The following RIPOR3 variants were observed in gnomAD, a reference collection of about 807,000 sequenced individuals.
RIPOR3 encodes RIPOR family member 3.
In RIPOR3, 95 loss-of-function variants were observed where a neutral mutation model predicts 114.3. The ratio of observed to expected loss-of-function variants is 0.83; its 90% CI spans 0.70 to 0.99. The LOEUF is 0.99. RIPOR3 is among the 50% of genes least tolerant of loss of function. The pLI is 0.00. For missense variants in RIPOR3, 1,252 were observed against 1,266.9 expected, an observed-to-expected ratio of 0.99 and a Z score of 0.18; for synonymous variants, 575 against 543.8, an observed-to-expected ratio of 1.06 and a Z score of -0.80.
chr20:50,610,559 C>A (rs1277180870), intron 6 of RIPOR3, among the ~76,000 whole-genome samples: 1 of 152,154 alleles, frequency 6.6e-6, no homozygotes, highest in African/African-American at 2.4e-5. Flanking sequence ...ACCTTCCCAG[C>A]CATCTAAGAC....
intron 1 of RIPOR3, among the ~76,000 whole-genome samples, chr20:50,652,633 GAAAGA>G (rs1555866858): frequency 7.1e-6 from 1 of 140,398 alleles, no homozygotes; most frequent in Non-Finnish European, 1.6e-5. Context: ...AGAAAAGAAA[GAAAGA>G]AAAGAAAAGA....
At chr20:50,634,160 AT>A (rs2084910968) in intron 1 of RIPOR3, among the ~76,000 whole-genome samples, 1 of 151,370 alleles carries the variant, frequency 6.6e-6, no homozygotes, top group Non-Finnish European at 1.5e-5. Context: ...TTTTGTATTC[AT>A]TGTAGAGATA....
In RIPOR3 at chr20:50,670,649, G is replaced by A. The variant is rs1333669811; in HGVS notation, c.3+20477C>T. 5.9e-5 allele frequency among the ~76,000 whole-genome samples: 9 copies of A among 152,138 alleles called. No homozygotes were observed. The East Asian group carries it at 1.3e-3, about 23-fold the overall frequency. On this transcript the variant is annotated intron_variant, in intron 1 of 21. Transcript: ENST00000327979. The stretch of plus-strand genomic sequence containing the variant: ...CATTCCCCTAGGCAGGCACCACACC[G>A]TCCTGTGGAGCATTGTGTTAGTAGG...
intron 1 of RIPOR3, among the ~76,000 whole-genome samples, chr20:50,636,310 G>A (rs559973008): frequency 6.6e-6 from 1 of 152,210 alleles, no homozygotes; most frequent in Non-Finnish European, 1.5e-5. Flanking sequence ...AGCAGCAAAT[G>A]GAGGCTGGGT....
rs910281451 is a variant in RIPOR3 at position 50,595,057 on chromosome 20, T to C, written c.2050+312A>G. On this transcript the variant is annotated intron_variant, in intron 16 of 21. Transcript: ENST00000327979. Reference sequence around the variant, plus strand: ...TTGACGGCACATTCTGCACCTTGAATGTGGCCTGGGGTTACCTCACTGAAC... The same window carrying C: ...TTGACGGCACATTCTGCACCTTGAACGTGGCCTGGGGTTACCTCACTGAAC... 8.3e-6 allele frequency: 4 copies of C among 482,980 alleles called. No individual in the cohort carries two copies. In the South Asian group the frequency reaches 1.2e-4, roughly 14 times the overall value. 29.9% of individuals were successfully genotyped at this position (482,980 alleles called of 1,614,324 possible).
intron 2 of RIPOR3, among the ~76,000 whole-genome samples, chr20:50,625,580 C>T (rs539800471): frequency 1.6e-4 from 25 of 152,300 alleles, no homozygotes; most frequent in African/African-American, 5.5e-4. Context: ...GCTGCTATTT[C>T]GTTTTCACAC....
chr20:50,640,875 A>G (rs1183820863), intron 1 of RIPOR3, among the ~76,000 whole-genome samples: 2 of 150,060 alleles, frequency 1.3e-5, no homozygotes, highest in Non-Finnish European at 3.0e-5. Context: ...AGAGTAATGT[A>G]TTCATTGTTA....
intron 1 of RIPOR3, among the ~76,000 whole-genome samples, chr20:50,647,418 C>G (rs1218786009): frequency 6.6e-6 from 1 of 151,368 alleles, no homozygotes; most frequent in Non-Finnish European, 1.5e-5. Flanking sequence ...CAGACTGACA[C>G]AGAGGTGAGC....
At chr20:50,630,182 G>T (rs936940178) in intron 2 of RIPOR3, among the ~76,000 whole-genome samples, 6 of 152,092 alleles carry the variant, frequency 3.9e-5, no homozygotes, top group African/African-American at 1.4e-4. Flanking sequence ...TGGCCAGGGT[G>T]GTCTCCAACT....
intron 13 of RIPOR3, among the ~76,000 whole-genome samples, chr20:50,600,995 C>A (rs770699153): frequency 6.6e-6 from 1 of 152,134 alleles, no homozygotes; most frequent in Non-Finnish European, 1.5e-5. Flanking sequence ...ATTTCAGTGC[C>A]AAAGTGTATC....
chr20:50,604,751 A>G lies in RIPOR3; in HGVS notation c.980T>C (p.Leu327Pro). The G allele has an allele frequency of 6.2e-7, 1 of 1,608,536 alleles. No homozygotes were observed. Among genetic ancestry groups the G allele is most frequent in the Non-Finnish European group, 8.5e-7 (1 of 1,178,046 alleles). ...CTTGCCCGTGGGGCTGGGTGACACC[A>G]GGAAGCTCTCAGTATCAAACGGGCT... ...QWNPFDTESFLVSPSPTGKFS... is the reference protein window; with the variant it reads ...QWNPFDTESFPVSPSPTGKFS... Residue 327 changes from leucine (L) to proline (P), a missense_variant, in exon 12 of 22, where the codon CTG becomes CCG. Physicochemically the swap from Leu to Pro is moderately conservative, Grantham distance 98 (BLOSUM62 -3). Coordinates refer to ENST00000327979, the MANE Select transcript of RIPOR3 (RefSeq NM_001290268.2).
chr20:50,676,582 G>A (rs559326800), intron 1 of RIPOR3, among the ~76,000 whole-genome samples: 2 of 152,116 alleles, frequency 1.3e-5, no homozygotes, highest in East Asian at 3.9e-4. Flanking sequence ...AGCCCAGGAG[G>A]TCAAGGCTGC....
intron 2 of RIPOR3, chr20:50,620,805 A>G (rs575290737): frequency 2.8e-5 from 29 of 1,029,544 alleles, no homozygotes; most frequent in African/African-American, 2.4e-4. Context: ...AAGGGCCACA[A>G]GGTGACCAAG....
At chr20:50,588,749 GAA>G (rs869194473) in intron 20 of RIPOR3, among the ~76,000 whole-genome samples, 48 of 58,438 alleles carry the variant, frequency 8.2e-4, no homozygotes, top group African/African-American at 2.1e-3. Flanking sequence ...ATTCTCAAGT[GAA>G]AAAAAAAAAA....
intron 1 of RIPOR3, among the ~76,000 whole-genome samples, chr20:50,659,647 C>CA (rs558386174): frequency 0.3 from 23,429 of 77,916 alleles, 2,854 homozygotes; most frequent in East Asian, 0.48. Context: ...AACTCCGTCT[C>CA]AAAAAAAAAA....
intron 21 of RIPOR3, 69 bp from the exon 22 acceptor site, chr20:50,587,401 G>C: frequency 1.5e-6 from 2 of 1,351,320 alleles, no homozygotes; most frequent in Non-Finnish European, 2.1e-6. Context: ...CCTGGGCCAG[G>C]GTGGCCCTAG....
At chr20:50,601,757 C>T (rs574621471) in intron 13 of RIPOR3, among the ~76,000 whole-genome samples, 4 of 152,120 alleles carry the variant, frequency 2.6e-5, no homozygotes, top group Non-Finnish European at 4.4e-5. Context: ...GACAACACTC[C>T]AAGTTTGGGT....
chr20:50,674,001 T>C (rs1467781), intron 1 of RIPOR3, among the ~76,000 whole-genome samples: 127,045 of 152,166 alleles, frequency 0.83, 53,511 homozygotes, highest in East Asian at 0.96. Flanking sequence ...ACAGGAGTCA[T>C]GCTGCTTTCA....
chr20:50,587,396 G>T, intron 21 of RIPOR3, 64 bp from the exon 22 acceptor site: 1 of 1,400,120 alleles, frequency 7.1e-7, no homozygotes, highest in Non-Finnish European at 1.0e-6. Context: ...ACTCTCCTGG[G>T]CCAGGGTGGC....
Sources: gnomAD v4.1 joint callset for allele counts (sites outside exome capture counted in the v4.1 genomes callset) on GRCh38, gnomAD v4.1.1 for gene constraint, MANE v1.5 for transcripts, NCBI Gene and HGNC (gene_info 2026-07-23, HGNC 2026-07-21) for gene names.